Variants in STAU2 observed in about 807,000 individuals in gnomAD.
STAU2 encodes the protein double-stranded RNA-binding protein Staufen homolog 2.
A neutral mutation model predicts 65.9 loss-of-function variants in STAU2; 20 were observed. The ratio of observed to expected loss-of-function variants is 0.30; its 90% CI spans 0.21 to 0.44. The LOEUF is 0.44. Ranked by LOEUF, STAU2 falls within the 20% of genes least tolerant of loss-of-function variation. The pLI is 1.00. For missense variants in STAU2, 558 were observed against 683.9 expected (o/e 0.82, Z 2.05); for synonymous variants, 232 against 233.9 (o/e 0.99, Z 0.07).
intron 13 of STAU2, among the ~76,000 whole-genome samples, chr8:73,541,065 G>C (rs185783251): frequency 3.4e-3 from 520 of 152,266 alleles, no homozygotes; most frequent in African/African-American, 0.012. Flanking sequence ...TGGAAAAGTA[G>C]GCAGAAACCA....
intron 6 of STAU2, among the ~76,000 whole-genome samples, chr8:73,636,637 T>C (rs1586167278): frequency 6.6e-6 from 1 of 151,690 alleles, no homozygotes; most frequent in Admixed American, 6.6e-5. Context: ...CTGGGGTGGG[T>C]GGGTCACTTG....
At chr8:73,539,673 T>C (rs1806403489) in intron 13 of STAU2, among the ~76,000 whole-genome samples, 1 of 151,996 alleles carries the variant, frequency 6.6e-6, no homozygotes, top group African/African-American at 2.4e-5. Flanking sequence ...TGAAACCCCA[T>C]CTCTACTAAC....
intron 12 of STAU2, among the ~76,000 whole-genome samples, chr8:73,572,929 G>A (rs952000113): frequency 2.2e-4 from 33 of 152,190 alleles, no homozygotes; most frequent in African/African-American, 7.9e-4. Flanking sequence ...AAGAAAGAAA[G>A]GGTATTTCAT....
intron 5 of STAU2, among the ~76,000 whole-genome samples, chr8:73,684,802 G>C (rs1438999866): frequency 6.6e-6 from 1 of 152,060 alleles, no homozygotes; most frequent in Non-Finnish European, 1.5e-5. Flanking sequence ...GACACGAATA[G>C]ATAATTCTCA....
At chr8:73,445,078 C>T (rs1268703456) in intron 13 of STAU2, among the ~76,000 whole-genome samples, 2 of 152,130 alleles carry the variant, frequency 1.3e-5, no homozygotes, top group East Asian at 1.9e-4. Context: ...AAAAAGAGAG[C>T]CAAACTCGAA....
chr8:73,523,739 G>A (rs1171987272), intron 13 of STAU2, among the ~76,000 whole-genome samples: 3 of 152,176 alleles, frequency 2.0e-5, no homozygotes, highest in African/African-American at 7.2e-5. Context: ...CAAGGCCAGT[G>A]AGACTCGGAC....
At chr8:73,477,890 A>T (rs1289503903) in intron 13 of STAU2, among the ~76,000 whole-genome samples, 1 of 152,204 alleles carries the variant, frequency 6.6e-6, no homozygotes, top group Non-Finnish European at 1.5e-5. Flanking sequence ...ATGTTGAGAT[A>T]AAAAGTTGAA....
intron 3 of STAU2, among the ~76,000 whole-genome samples, chr8:73,711,330 C>CA (rs1820887868): frequency 6.6e-6 from 1 of 151,952 alleles, no homozygotes; most frequent in Non-Finnish European, 1.5e-5. Context: ...AGACGATAAT[C>CA]AGTTTTGGCC....
chr8:73,422,270 C>T (rs923519926), intron 14 of STAU2, among the ~76,000 whole-genome samples: 3 of 152,122 alleles, frequency 2.0e-5, no homozygotes, highest in Non-Finnish European at 4.4e-5. Flanking sequence ...ACTTTCACCG[C>T]TGAAAATGGC....
intron 6 of STAU2, among the ~76,000 whole-genome samples, chr8:73,639,981 T>A (rs1005227113): frequency 6.6e-6 from 1 of 152,146 alleles, no homozygotes; most frequent in Non-Finnish European, 1.5e-5. Context: ...AACTAAATTA[T>A]GACTTCCTCG....
chr8:73,663,630 CAAA>C (rs57173658), intron 6 of STAU2, among the ~76,000 whole-genome samples: 4 of 140,888 alleles, frequency 2.8e-5, no homozygotes, highest in African/African-American at 7.8e-5. Flanking sequence ...TTAATTTTAC[CAAA>C]AAAAAAAAAA....
intron 13 of STAU2, among the ~76,000 whole-genome samples, chr8:73,497,888 T>C (rs994502634): frequency 6.6e-6 from 1 of 151,820 alleles, no homozygotes; most frequent in Non-Finnish European, 1.5e-5. Context: ...GAATAAAACA[T>C]CTCACATGCT....
intron 3 of STAU2, among the ~76,000 whole-genome samples, chr8:73,717,463 C>G (rs1253421516): frequency 6.6e-6 from 1 of 152,158 alleles, no homozygotes. Context: ...AGGTATGAAT[C>G]CATTTTTTGT....
At chr8:73,495,977 A>T (rs1278895341) in intron 13 of STAU2, among the ~76,000 whole-genome samples, 1 of 151,448 alleles carries the variant, frequency 6.6e-6, no homozygotes, top group Non-Finnish European at 1.5e-5. Flanking sequence ...TACTTAGCAG[A>T]CACCTCCAAA....
chr8:73,614,529 C>A (rs1434509216), intron 8 of STAU2, among the ~76,000 whole-genome samples: 2 of 151,942 alleles, frequency 1.3e-5, no homozygotes, highest in African/African-American at 4.8e-5. Flanking sequence ...AGTAGGTATG[C>A]CAAAAAAATT....
At chr8:73,601,504 C>T (rs1430271653) in intron 10 of STAU2, among the ~76,000 whole-genome samples, 1 of 152,006 alleles carries the variant, frequency 6.6e-6, no homozygotes, top group Non-Finnish European at 1.5e-5. Flanking sequence ...TCTTTGGTAA[C>T]AGATAAAAAT....
intron 13 of STAU2, among the ~76,000 whole-genome samples, chr8:73,514,385 G>A (rs914274300): frequency 5.3e-5 from 8 of 152,224 alleles, no homozygotes; most frequent in East Asian, 1.9e-4. Context: ...AATGAAGAAC[G>A]GCTCTTTGTT....
At chr8:73,508,314 A>G (rs1425067766) in intron 13 of STAU2, among the ~76,000 whole-genome samples, 2 of 152,152 alleles carry the variant, frequency 1.3e-5, no homozygotes, top group African/African-American at 4.8e-5. Context: ...AGGGTTATTA[A>G]TTGGCCTCAT....
intron 6 of STAU2, among the ~76,000 whole-genome samples, chr8:73,670,820 TA>T (rs1441705308): frequency 3.3e-5 from 5 of 151,884 alleles, no homozygotes; most frequent in African/African-American, 1.2e-4. Flanking sequence ...TCTGATCAAA[TA>T]TAGGAAAGAA....
Sources: gnomAD v4.1 joint callset for allele counts (sites outside exome capture counted in the v4.1 genomes callset) on GRCh38, gnomAD v4.1.1 for gene constraint, MANE v1.5 for transcripts, NCBI Gene and HGNC (gene_info 2026-07-23, HGNC 2026-07-21) for gene names.